Variants in DNAJC1 observed in about 807,000 individuals in gnomAD.
DNAJC1 encodes the protein DnaJ heat shock protein family (Hsp40) member C1, also known as dnaJ homolog subfamily C member 1.
Under a neutral mutation model 76.6 loss-of-function variants are expected in DNAJC1, and 58 were observed. The observed-to-expected ratio is 0.76, with a 90% CI of 0.61 to 0.94. The LOEUF is 0.94. Ranked by LOEUF, DNAJC1 falls within the 40% of genes least tolerant of loss-of-function variation. DNAJC1 has a pLI of 0.00. For synonymous variants in DNAJC1, 258 were observed against 267.9 expected (o/e 0.96, Z 0.36); for missense variants, 689 against 677.3 (o/e 1.02, Z -0.19).
At chr10:21,933,494 C>G (rs569378945) in intron 1 of DNAJC1, 2 of 152,304 alleles carry the variant, frequency 1.3e-5, no homozygotes, top group African/African-American at 4.8e-5. Context: ...GGACAGAGCA[C>G]ATGCTCAGAA....
chr10:21,979,381 T>A lies in DNAJC1; in HGVS notation c.222+23832A>T, dbSNP rs1161353681. On this transcript the variant is annotated intron_variant, in intron 1 of 11. Transcript: ENST00000376980. ...TGATCTAAAGAATCTATATCCCAAA[T>A]AAGGAAGCATGAGAACAAGGGTTTA... 4.6e-5 allele frequency among the ~76,000 whole-genome samples: 7 copies of A among 152,124 alleles called. No individual in the cohort carries two copies. The East Asian group carries it at 1.2e-3, about 25-fold the overall frequency.
At chr10:21,984,095 G>A (rs1017861872) in intron 1 of DNAJC1, among the ~76,000 whole-genome samples, 11 of 152,202 alleles carry the variant, frequency 7.2e-5, no homozygotes, top group Middle Eastern at 3.4e-3. Context: ...AAATTCTATA[G>A]ACAAAAATAT....
At chr10:21,984,166 T>A (rs1172161484) in intron 1 of DNAJC1, among the ~76,000 whole-genome samples, 7 of 152,184 alleles carry the variant, frequency 4.6e-5, no homozygotes, top group African/African-American at 1.7e-4. Flanking sequence ...ACATAAAAAA[T>A]TTTAATAGAA....
intron 8 of DNAJC1, among the ~76,000 whole-genome samples, chr10:21,807,919 T>C (rs945320393): frequency 1.3e-5 from 2 of 151,878 alleles, no homozygotes; most frequent in Admixed American, 6.6e-5. Flanking sequence ...AAAAGAATTA[T>C]TCTTATTCAG....
chr10:21,988,643 A>C (rs1385671811), intron 1 of DNAJC1, among the ~76,000 whole-genome samples: 2 of 152,184 alleles, frequency 1.3e-5, no homozygotes, highest in East Asian at 3.8e-4. Context: ...TTGATTATTA[A>C]AACAGTCTTT....
chr10:21,767,129 A>G (rs879766216), intron 9 of DNAJC1, among the ~76,000 whole-genome samples: 2 of 152,168 alleles, frequency 1.3e-5, no homozygotes, highest in Admixed American at 6.5e-5. Flanking sequence ...TAATAGTGTT[A>G]TAAGATAAAA....
intron 1 of DNAJC1, among the ~76,000 whole-genome samples, chr10:21,975,755 TTTAC>T (rs1838051445): frequency 6.6e-6 from 1 of 152,222 alleles, no homozygotes. Context: ...GCACATTAAT[TTTAC>T]TTAGTGTTCT....
rs556465789 is a variant in DNAJC1 at position 21,952,742 on chromosome 10, G to C, written c.223-23601C>G. On this transcript the variant is annotated intron_variant, in intron 1 of 11. Coordinates refer to ENST00000376980, the MANE Select transcript of DNAJC1 (RefSeq NM_022365.4). The stretch of plus-strand genomic sequence containing the variant: ...CCACTGCACTTCAGCCTGGGTGACA[G>C]AGCAAGACTCCGTCTCAATCAATCA... 6.2e-4 allele frequency among the ~76,000 whole-genome samples: 94 copies of C among 152,238 alleles called. 4 individuals are homozygous for C. The South Asian group carries it at 0.02, about 32-fold the overall frequency.
At chr10:21,982,735 A>G (rs994649884) in intron 1 of DNAJC1, among the ~76,000 whole-genome samples, 9 of 151,956 alleles carry the variant, frequency 5.9e-5, no homozygotes, top group Non-Finnish European at 1.2e-4. Flanking sequence ...AAAAAAAAGT[A>G]AAAACTAAGT....
At chr10:21,948,091 CTTTT>C (rs781055896) in intron 1 of DNAJC1, among the ~76,000 whole-genome samples, 1 of 134,830 alleles carries the variant, frequency 7.4e-6, no homozygotes, top group Non-Finnish European at 1.6e-5. Context: ...TCCTTGCAGT[CTTTT>C]TTTTTTTTTT....
chr10:21,885,904 C>T (rs1836360082), intron 7 of DNAJC1, among the ~76,000 whole-genome samples: 1 of 152,160 alleles, frequency 6.6e-6, no homozygotes, highest in Admixed American at 6.5e-5. Flanking sequence ...AAATTAACAA[C>T]CTAACATCAC....
intron 8 of DNAJC1, among the ~76,000 whole-genome samples, chr10:21,813,524 T>A (rs1835024975): frequency 6.6e-6 from 1 of 151,556 alleles, no homozygotes; most frequent in African/African-American, 2.4e-5. Context: ...GCCTCCCGAG[T>A]AGCTGGGACT....
At chr10:21,869,103 C>T (rs1192512563) in intron 8 of DNAJC1, among the ~76,000 whole-genome samples, 1 of 151,220 alleles carries the variant, frequency 6.6e-6, no homozygotes, top group Non-Finnish European at 1.5e-5. Flanking sequence ...CCTTCCCTTA[C>T]TAGGTCTTTT....
chr10:21,890,421 CAAAAAAAAA>C (rs1007952107), intron 7 of DNAJC1, among the ~76,000 whole-genome samples: 3 of 52,686 alleles, frequency 5.7e-5, no homozygotes, highest in Non-Finnish European at 1.0e-4. Flanking sequence ...TCCCCCCCTA[CAAAAAAAAA>C]AAAAAAAAAA....
At chr10:21,767,926 T>G (rs536265533) in intron 9 of DNAJC1, among the ~76,000 whole-genome samples, 8 of 151,912 alleles carry the variant, frequency 5.3e-5, no homozygotes, top group Admixed American at 3.3e-4. Flanking sequence ...ACCCAGGAGG[T>G]AGAGGTTGCA....
In DNAJC1 at chr10:21,821,100, G is replaced by A. The variant is rs553758846; in HGVS notation, c.979-15001C>T. Among the ~76,000 whole-genome samples, 4 of 152,268 alleles carry A rather than the reference G, an allele frequency of 2.6e-5. No individual in the cohort carries two copies. The South Asian group carries it at 8.3e-4, about 32-fold the overall frequency. ...GGCCTGTCTGTTCAGAATCTTCTTG[G>A]TCTCTCTGTGCAGCATTCCTTCCTC... On this transcript the variant is annotated intron_variant, in intron 8 of 11. Transcript: ENST00000376980.
At chr10:21,969,451 A>G (rs1837942811) in intron 1 of DNAJC1, among the ~76,000 whole-genome samples, 1 of 152,202 alleles carries the variant, frequency 6.6e-6, no homozygotes, top group African/African-American at 2.4e-5. Context: ...GAAATACTGC[A>G]TAGAGAAAGA....
At chr10:21,777,014 T>G (rs1416910625) in intron 9 of DNAJC1, among the ~76,000 whole-genome samples, 1 of 152,206 alleles carries the variant, frequency 6.6e-6, no homozygotes, top group African/African-American at 2.4e-5. Context: ...TCTATTGACT[T>G]GCTGCATTCT....
At chr10:21,764,516 G>T (rs557974203) in intron 10 of DNAJC1, among the ~76,000 whole-genome samples, 1 of 152,252 alleles carries the variant, frequency 6.6e-6, no homozygotes, top group African/African-American at 2.4e-5. Context: ...ATTTTCCCCT[G>T]TGCTAGCCTA....
Sources: gnomAD v4.1 joint callset for allele counts (sites outside exome capture counted in the v4.1 genomes callset) on GRCh38, gnomAD v4.1.1 for gene constraint, MANE v1.5 for transcripts, NCBI Gene and HGNC (gene_info 2026-07-23, HGNC 2026-07-21) for gene names.